Variants in KALRN observed in about 807,000 individuals in gnomAD.
KALRN encodes the protein kalirin RhoGEF kinase.
In KALRN, 70 loss-of-function variants were observed where a neutral mutation model predicts 353.7. The observed-to-expected ratio is 0.20, with a 90% CI of 0.16 to 0.24. The LOEUF (loss-of-function observed/expected upper bound fraction) is 0.24, where lower values mean the gene tolerates loss of function less well. Among genes scored for constraint, KALRN ranks in the 10% least tolerant of loss-of-function variants. The pLI is 1.00. For missense variants in KALRN, 2,791 were observed against 3,756.7 expected (o/e 0.74, Z 6.72); for synonymous variants, 1,391 against 1,434.8 (o/e 0.97, Z 0.69).
chr3:124,634,792 T>A (rs1274206320), intron 36 of KALRN, among the ~76,000 whole-genome samples: 1 of 152,146 alleles, frequency 6.6e-6, no homozygotes, highest in African/African-American at 2.4e-5. Context: ...CACTTTCCAT[T>A]TGCTTTTTCA....
chr3:124,183,669 A>G (rs983879302), intron 1 of KALRN, among the ~76,000 whole-genome samples: 11 of 152,206 alleles, frequency 7.2e-5, no homozygotes, highest in Non-Finnish European at 2.9e-5. Flanking sequence ...AGGGAGGAGC[A>G]TCAGAGGAAG....
intron 3 of KALRN, among the ~76,000 whole-genome samples, chr3:124,246,655 A>T (rs1008199712): frequency 2.6e-5 from 4 of 152,194 alleles, no homozygotes; most frequent in Non-Finnish European, 5.9e-5. Flanking sequence ...TGGAAAGCCT[A>T]GATGTGGTCA....
intron 10 of KALRN, among the ~76,000 whole-genome samples, chr3:124,366,908 T>C (rs13080447): frequency 0.59 from 60,614 of 103,464 alleles, 17,266 homozygotes; most frequent in East Asian, 0.91. Context: ...CCCTCCCGGA[T>C]GGGGTGGCTG....
In KALRN at chr3:124,655,622, A is replaced by G. The variant is rs199842077; in HGVS notation, c.5817A>G (p.Val1939=). The G allele has an allele frequency of 8.7e-6, 14 of 1,614,018 alleles. No individual in the cohort carries two copies. The African/African-American group carries it at 1.6e-4, about 18-fold the overall frequency. Residue 1939 remains valine (V), a synonymous_variant, in exon 39 of 60, where the codon GTA becomes GTG. Transcript: ENST00000682506. The stretch of plus-strand genomic sequence containing the variant: ...TCAGGTTTGTCCTGAATGAGCTGGT[A>G]CAGACAGAGAAAGACTATGTCAAGG... ...RGRMFVLNEL[V]QTEKDYVKDL...
chr3:124,625,474 C>T (rs977292751), intron 34 of KALRN, among the ~76,000 whole-genome samples: 3 of 151,952 alleles, frequency 2.0e-5, no homozygotes, highest in South Asian at 4.1e-4. Context: ...GTAATCCTAG[C>T]GCTTTGAAGG....
rs544773444 is a variant in KALRN at position 124,281,827 on chromosome 3, CAAAT to C, written c.969+12578_969+12581del. Among the ~76,000 whole-genome samples, 283 of 152,270 alleles carry C rather than the reference CAAAT, an allele frequency of 1.9e-3. 1 individual carries two copies. Among genetic ancestry groups the C allele is most frequent in the African/African-American group, 6.5e-3 (271 of 41,560 alleles). On this transcript the variant is annotated intron_variant, in intron 5 of 59. Transcript: ENST00000682506. ...TGTGTTGACCAGAGATACTTAGTGC[CAAAT>C]AAATAGTTGACCGTGACACAGTCTG...
intron 15 of KALRN, among the ~76,000 whole-genome samples, chr3:124,427,409 A>G (rs183277378): frequency 9.2e-5 from 14 of 152,376 alleles, no homozygotes; most frequent in Admixed American, 2.6e-4. Context: ...TAAATCATCT[A>G]CAATAGTGGT....
chr3:124,090,856 T>C (rs1001196731), intron 1 of KALRN, among the ~76,000 whole-genome samples: 1 of 152,166 alleles, frequency 6.6e-6, no homozygotes, highest in Non-Finnish European at 1.5e-5. Context: ...CTGCTGCCCA[T>C]TAAACTTTGA....
intron 1 of KALRN, among the ~76,000 whole-genome samples, chr3:124,034,132 T>C (rs2039169393): frequency 6.6e-6 from 1 of 152,058 alleles, no homozygotes; most frequent in Admixed American, 6.5e-5. Flanking sequence ...TGGCTCACTT[T>C]GCAGCGCGCC....
chr3:124,497,126 T>G (rs2063947157), intron 33 of KALRN, among the ~76,000 whole-genome samples: 1 of 152,188 alleles, frequency 6.6e-6, no homozygotes. Flanking sequence ...AAAGGCTCTG[T>G]GTATCTGCCC....
chr3:124,041,241 CA>C (rs2039939857), intron 1 of KALRN, among the ~76,000 whole-genome samples: 1 of 152,164 alleles, frequency 6.6e-6, no homozygotes, highest in Admixed American at 6.5e-5. Flanking sequence ...TCTCTACTTA[CA>C]TGAATAACTT....
At chr3:124,501,366 G>A (rs1484537914) in intron 33 of KALRN, among the ~76,000 whole-genome samples, 1 of 152,152 alleles carries the variant, frequency 6.6e-6, no homozygotes, top group Non-Finnish European at 1.5e-5. Context: ...GAAATACCTG[G>A]AGAACCCCTG....
chr3:124,268,709 AC>A, intron 4 of KALRN, 33 bp from the exon 5 acceptor site: 1 of 1,606,230 alleles, frequency 6.2e-7, no homozygotes, highest in Non-Finnish European at 8.5e-7. Flanking sequence ...CCCTGACATC[AC>A]TGAGTATCCT....
At chr3:124,518,695 G>T (rs1208330271) in intron 33 of KALRN, 2 of 1,421,460 alleles carry the variant, frequency 1.4e-6, no homozygotes, top group Non-Finnish European at 1.8e-6. Flanking sequence ...AGGTTGCTGA[G>T]CTTCTCTCCA....
chr3:124,704,744 T>C (rs1260397869), intron 57 of KALRN, among the ~76,000 whole-genome samples: 1 of 151,858 alleles, frequency 6.6e-6, no homozygotes, highest in Admixed American at 6.6e-5. Context: ...GATACGGTAT[T>C]TCACCATGTT....
chr3:124,054,934 T>C (rs2041386871), intron 1 of KALRN, among the ~76,000 whole-genome samples: 1 of 150,674 alleles, frequency 6.6e-6, no homozygotes, highest in Admixed American at 6.7e-5. Context: ...TCTAGCTGAA[T>C]ACAGCCTTTT....
At chr3:124,655,126 G>A (rs1172435369) in intron 38 of KALRN, among the ~76,000 whole-genome samples, 1 of 152,164 alleles carries the variant, frequency 6.6e-6, no homozygotes, top group Non-Finnish European at 1.5e-5. Flanking sequence ...TGTCTTGGAG[G>A]ACTTACAGGT....
intron 6 of KALRN, among the ~76,000 whole-genome samples, chr3:124,319,283 T>C (rs1387254568): frequency 6.6e-6 from 1 of 151,850 alleles, no homozygotes; most frequent in African/African-American, 2.4e-5. Context: ...CTCAGCAACA[T>C]AGCTAGACTC....
chr3:124,691,090 T>G (rs1478419115), intron 51 of KALRN, among the ~76,000 whole-genome samples: 2 of 152,204 alleles, frequency 1.3e-5, no homozygotes, highest in Non-Finnish European at 2.9e-5. Flanking sequence ...GAGCTTATAG[T>G]CTAATAGGTT....
Sources: allele counts gnomAD v4.1 joint callset (sites outside exome capture counted in the v4.1 genomes callset), GRCh38; gene constraint gnomAD v4.1.1; transcripts MANE v1.5; gene names NCBI Gene and HGNC (gene_info 2026-07-23, HGNC 2026-07-21).